Variants in BTG4 observed in about 807,000 individuals in gnomAD.
BTG4 encodes the protein BTG anti-proliferation factor 4.
BTG4 carries 10 observed loss-of-function variants against 19.3 expected under a neutral mutation model. The observed-to-expected ratio is 0.52, with a 90% CI of 0.32 to 0.88. The LOEUF is 0.88. Ranked by LOEUF, BTG4 falls within the 40% of genes least tolerant of loss-of-function variation. The pLI, the probability that BTG4 is intolerant of heterozygous loss-of-function variation, is 0.04. For synonymous variants in BTG4, 91 were observed against 95.7 expected, an observed-to-expected ratio of 0.95 and a Z score of 0.29; for missense variants, 238 against 281.9, an observed-to-expected ratio of 0.84 and a Z score of 1.11.
chr11:111,469,069 TCAG>T (rs1372130695), intron 5 of BTG4: 1 of 152,208 alleles, frequency 6.6e-6, no homozygotes, highest in Non-Finnish European at 1.5e-5. Flanking sequence ...AATCTTCCCT[TCAG>T]CAAATTTCCA....
intron 5 of BTG4, among the ~76,000 whole-genome samples, chr11:111,482,583 T>C (rs1864805017): frequency 6.6e-6 from 1 of 152,126 alleles, no homozygotes; most frequent in Non-Finnish European, 1.5e-5. Context: ...TGTGTGGTGT[T>C]GGCAGAAGAA....
chr11:111,409,761 A>G, the BTG4 span, among the ~76,000 whole-genome samples: 2 of 152,310 alleles, frequency 1.3e-5, 1 homozygote. Context: ...GAAGGGTTCA[A>G]TTGGGATTTC....
the BTG4 span, chr11:111,417,136 A>T: frequency 6.6e-6 from 1 of 152,286 alleles, no homozygotes; most frequent in Admixed American, 6.5e-5. Flanking sequence ...CACCTGCCTT[A>T]TGTCCCTGGG....
At chr11:111,496,334 A>C (rs1865729153) in intron 4 of BTG4, among the ~76,000 whole-genome samples, 1 of 152,154 alleles carries the variant, frequency 6.6e-6, no homozygotes. Context: ...CTGCATATTA[A>C]AAACCAGTAA....
the BTG4 span, among the ~76,000 whole-genome samples, chr11:111,411,999 A>G: frequency 2.6e-5 from 4 of 152,224 alleles, no homozygotes; most frequent in African/African-American, 9.6e-5. Context: ...GTCCTGAAGC[A>G]GACAGAAATA....
At chr11:111,392,449 T>C in the BTG4 span, among the ~76,000 whole-genome samples, 1 of 152,146 alleles carries the variant, frequency 6.6e-6, no homozygotes, top group Non-Finnish European at 1.5e-5. Flanking sequence ...AATGCTAGGA[T>C]TACAGGCATG....
chr11:111,430,501 T>C, the BTG4 span, among the ~76,000 whole-genome samples: 1 of 152,226 alleles, frequency 6.6e-6, no homozygotes, highest in African/African-American at 2.4e-5. Context: ...CTGTCCTTTG[T>C]CCACAAGCAA....
upstream of BTG4, among the ~76,000 whole-genome samples, chr11:111,513,252 T>C (rs1867081209): frequency 6.6e-6 from 1 of 152,252 alleles, no homozygotes; most frequent in Non-Finnish European, 1.5e-5. Context: ...GCAAAATCCC[T>C]GGAGGTGAAG....
At chr11:111,413,169 G>A in the BTG4 span, among the ~76,000 whole-genome samples, 4 of 152,220 alleles carry the variant, frequency 2.6e-5, no homozygotes, top group African/African-American at 9.6e-5. Context: ...GCAAGAGTCA[G>A]CGTAAACCAT....
downstream of BTG4, among the ~76,000 whole-genome samples, chr11:111,492,467 C>A (rs2135642787): frequency 6.6e-6 from 1 of 152,302 alleles, no homozygotes; most frequent in East Asian, 1.9e-4. Context: ...CAGCCTAGAA[C>A]ACAATACTTC....
the BTG4 span, among the ~76,000 whole-genome samples, chr11:111,440,466 A>G: frequency 2.0e-5 from 3 of 152,238 alleles, no homozygotes; most frequent in East Asian, 5.8e-4. Context: ...TTGCAAATAG[A>G]ACATCACAGT....
chr11:111,512,944 G>T, upstream of BTG4: 1 of 449,990 alleles, frequency 2.2e-6, no homozygotes. Context: ...CCCGGTGCTC[G>T]GTTTGTAGGC....
chr11:111,505,817 A>G (rs1377345765), intron 1 of BTG4, among the ~76,000 whole-genome samples: 1 of 152,110 alleles, frequency 6.6e-6, no homozygotes, highest in Admixed American at 6.6e-5. Flanking sequence ...GGCAAAGAAC[A>G]TGAACAGACA....
the BTG4 span, among the ~76,000 whole-genome samples, chr11:111,403,661 G>A: frequency 6.6e-6 from 1 of 152,186 alleles, no homozygotes; most frequent in African/African-American, 2.4e-5. Flanking sequence ...CTGAGTGGGT[G>A]ACAAATTAAG....
At chr11:111,386,746 C>T in the BTG4 span, among the ~76,000 whole-genome samples, 1 of 152,102 alleles carries the variant, frequency 6.6e-6, no homozygotes, top group East Asian at 1.9e-4. Flanking sequence ...TAATGGGCTC[C>T]GAGGTAAAAA....
intron 1 of BTG4, among the ~76,000 whole-genome samples, chr11:111,502,624 G>A (rs1458998830): frequency 1.3e-5 from 2 of 152,186 alleles, no homozygotes; most frequent in East Asian, 3.8e-4. Context: ...GGCAACAGAT[G>A]CATTAACAAA....
At chr11:111,452,807 T>C in the BTG4 span, among the ~76,000 whole-genome samples, 1 of 152,172 alleles carries the variant, frequency 6.6e-6, no homozygotes, top group Non-Finnish European at 1.5e-5. Flanking sequence ...AGTTGACTGT[T>C]CTCCCTGGAG....
chr11:111,468,916 T>C (rs1863887720), intron 5 of BTG4, among the ~76,000 whole-genome samples: 1 of 152,192 alleles, frequency 6.6e-6, no homozygotes, highest in Non-Finnish European at 1.5e-5. Context: ...GATTGGAGGA[T>C]ATTGACAAAA....
chr11:111,495,456 A>G, intron 4 of BTG4, 142 bp from the exon 5 acceptor site: 2 of 660,062 alleles, frequency 3.0e-6, no homozygotes, highest in Non-Finnish European at 4.9e-6. Flanking sequence ...TTTGAAAAAA[A>G]TTTCTAGCAC....
Sources: gnomAD v4.1 joint callset for allele counts (sites outside exome capture counted in the v4.1 genomes callset) on GRCh38, gnomAD v4.1.1 for gene constraint, MANE v1.5 for transcripts, NCBI Gene and HGNC (gene_info 2026-07-23, HGNC 2026-07-21) for gene names.